MAN1A2: variants seen among roughly 807,000 people sequenced by gnomAD.
The protein encoded by MAN1A2 is mannosidase alpha class 1A member 2.
In MAN1A2, 26 loss-of-function variants were observed where a neutral mutation model predicts 75.7. The observed-to-expected ratio is 0.34, with a 90% CI of 0.25 to 0.48. MAN1A2 has a LOEUF of 0.48. MAN1A2 is among the 20% of genes least tolerant of loss of function. The pLI is 0.99. For synonymous variants in MAN1A2, 247 were observed against 264.6 expected (o/e 0.93, Z 0.65); for missense variants, 562 against 775.5 (o/e 0.72, Z 3.27).
chr1:117,464,606 A>G (rs1649928046), intron 7 of MAN1A2, among the ~76,000 whole-genome samples: 1 of 152,156 alleles, frequency 6.6e-6, no homozygotes, highest in African/African-American at 2.4e-5. Context: ...AGCAGCAATG[A>G]GAACAGGATC....
In MAN1A2 at chr1:117,405,438, T is replaced by C. The variant is rs576948938; in HGVS notation, c.559-111T>C. The C allele has an allele frequency of 3.4e-4, 237 of 704,900 alleles. No individual in the cohort carries two copies. The African/African-American group carries it at 3.9e-3, about 12-fold the overall frequency. The allele number at this position is 704,900 out of a possible 1,614,324, so 43.7% of individuals were successfully genotyped here. A position where few individuals can be genotyped will look rare whatever the true frequency, so the allele number is the denominator to read the frequency against. ...ATGCTAATTGAATAATGTACTAATA[T>C]AGATCTGGAAGAATGGGCAAGGATA... On this transcript the variant is annotated intron_variant, in intron 2 of 12. Coordinates refer to ENST00000356554, the MANE Select transcript of MAN1A2 (RefSeq NM_006699.5).
At chr1:117,462,085 A>T (rs937366676) in intron 7 of MAN1A2, among the ~76,000 whole-genome samples, 1 of 152,166 alleles carries the variant, frequency 6.6e-6, no homozygotes, top group Non-Finnish European at 1.5e-5. Flanking sequence ...GGATTATAAT[A>T]GTTAATTCCA....
chr1:117,491,681 C>T (rs922967801), intron 8 of MAN1A2, among the ~76,000 whole-genome samples: 2 of 152,066 alleles, frequency 1.3e-5, no homozygotes, highest in African/African-American at 4.8e-5. Flanking sequence ...ATTCCTCTGT[C>T]AGATCTCAGC....
At chr1:117,466,272 T>A in intron 7 of MAN1A2, 62 bp from the exon 8 acceptor site, 1 of 1,126,802 alleles carries the variant, frequency 8.9e-7, no homozygotes, top group Non-Finnish European at 1.3e-6. Flanking sequence ...AAGCCTACAT[T>A]AAAACCAAGC....
intron 9 of MAN1A2, among the ~76,000 whole-genome samples, chr1:117,495,266 TAATA>T (rs1471107576): frequency 1.3e-5 from 2 of 151,874 alleles, no homozygotes; most frequent in African/African-American, 2.4e-5. Flanking sequence ...AATAGGTACC[TAATA>T]AATGTTTTTT....
chr1:117,368,424 G>A lies in MAN1A2; in HGVS notation c.241G>A (p.Gly81Ser), dbSNP rs763875993. 9.9e-6 allele frequency: 16 copies of A among 1,613,934 alleles called. No individual in the cohort carries two copies. Among genetic ancestry groups the A allele is most frequent in the Non-Finnish European group, 1.3e-5 (15 of 1,179,968 alleles). The change falls in exon 1 of 13, where the codon GGT (glycine) becomes AGT (serine). Residue 81 changes from glycine to serine, a missense_variant. By Grantham distance (56) the Gly-to-Ser change is moderately conservative. This residue lies in a region of MAN1A2 where 128 missense variants were observed against 129.8 expected (regional missense o/e 0.99). Coordinates refer to ENST00000356554, the MANE Select transcript of MAN1A2 (RefSeq NM_006699.5). ...TGTGTTAATTCCACATGTAGATGCC[G>A]GTAAAGGGGCTAAAAACCCCGGAGT... ...EDVLIPHVDAGKGAKNPGVFL... is the reference protein window; with the variant it reads ...EDVLIPHVDASKGAKNPGVFL...
In MAN1A2 at chr1:117,479,328, T is replaced by G. The variant is rs932258836; in HGVS notation, c.1168+12901T>G. 2.8e-4 allele frequency among the ~76,000 whole-genome samples: 43 copies of G among 152,048 alleles called. 1 individual carries two copies. Among genetic ancestry groups the G allele is most frequent in the Non-Finnish European group, 4.4e-5 (3 of 67,986 alleles). On this transcript the variant is annotated intron_variant, in intron 8 of 12. Coordinates refer to ENST00000356554, the MANE Select transcript of MAN1A2 (RefSeq NM_006699.5). ...TCCATGATGTGTATGTACCACATTTTCTTTATGCAGTGTATTATTAATGGG... is the reference window on the plus strand; with the variant it reads ...TCCATGATGTGTATGTACCACATTTGCTTTATGCAGTGTATTATTAATGGG...
At chr1:117,417,874 G>T (rs1236597445) in intron 4 of MAN1A2, among the ~76,000 whole-genome samples, 1 of 151,716 alleles carries the variant, frequency 6.6e-6, no homozygotes, top group African/African-American at 2.4e-5. Flanking sequence ...CAGGAGGATC[G>T]CTTGAGCCCA....
intron 12 of MAN1A2, among the ~76,000 whole-genome samples, chr1:117,506,298 C>T (rs1050048202): frequency 1.2e-4 from 18 of 151,486 alleles, no homozygotes; most frequent in African/African-American, 3.4e-4. Flanking sequence ...CTGATTGTCA[C>T]GGCAGTGGCA....
intron 5 of MAN1A2, among the ~76,000 whole-genome samples, chr1:117,430,239 C>G (rs1236759730): frequency 4.0e-5 from 5 of 124,808 alleles, no homozygotes; most frequent in East Asian, 2.3e-4. Context: ...CCGGACGGCA[C>G]GGCTGGCCAG....
chr1:117,436,055 T>C (rs980179865), intron 5 of MAN1A2, among the ~76,000 whole-genome samples: 1 of 151,748 alleles, frequency 6.6e-6, no homozygotes, highest in Admixed American at 6.6e-5. Flanking sequence ...GAGACTCCGT[T>C]TCAAAAAAAA....
chr1:117,369,423 GA>G, intron 1 of MAN1A2, among the ~76,000 whole-genome samples: 1 of 151,814 alleles, frequency 6.6e-6, no homozygotes, highest in South Asian at 2.1e-4. Flanking sequence ...GAGTATGTGG[GA>G]AAAAAAATCA....
At chr1:117,478,524 C>G (rs1432189263) in intron 8 of MAN1A2, among the ~76,000 whole-genome samples, 1 of 151,934 alleles carries the variant, frequency 6.6e-6, no homozygotes, top group Non-Finnish European at 1.5e-5. Context: ...AAGATTTCTT[C>G]CTATGTTTTC....
intron 3 of MAN1A2, among the ~76,000 whole-genome samples, chr1:117,412,777 C>T (rs1004234784): frequency 6.6e-6 from 1 of 151,752 alleles, no homozygotes; most frequent in Non-Finnish European, 1.5e-5. Context: ...ATGATGATAG[C>T]CAGTAATTTC....
rs1224632721 is a variant in MAN1A2, at chr1:117,523,822, T to A, written c.*865T>A. The A allele has an allele frequency of 6.6e-6, 1 of 151,828 alleles. No individual in the cohort carries two copies. The highest frequency in any genetic ancestry group is 2.4e-5 in the African/African-American group (1 of 41,388). The allele number at this position is 151,828 out of a possible 1,614,324, so 9.4% of individuals were successfully genotyped here. ...AGCAATCCTTGGTTTTGTTGCTACATTATTTTTCCAGACCAACACATCTAC... is the reference window on the plus strand; with the variant it reads ...AGCAATCCTTGGTTTTGTTGCTACAATATTTTTCCAGACCAACACATCTAC... On this transcript the variant is annotated 3_prime_UTR_variant, in exon 13 of 13. Coordinates refer to ENST00000356554, the MANE Select transcript of MAN1A2 (RefSeq NM_006699.5).
intron 3 of MAN1A2, among the ~76,000 whole-genome samples, chr1:117,412,789 A>G (rs141155191): frequency 0.015 from 2,350 of 151,906 alleles, 36 homozygotes; most frequent in Non-Finnish European, 0.022. Context: ...AGTAATTTCA[A>G]TTTTACACTT....
At chr1:117,521,841 T>C (rs913394453) in intron 12 of MAN1A2, among the ~76,000 whole-genome samples, 1 of 151,968 alleles carries the variant, frequency 6.6e-6, no homozygotes, top group African/African-American at 2.4e-5. Flanking sequence ...GATGGACTAC[T>C]ACTCAGCTAT....
chr1:117,500,724 C>T (rs572561034), intron 11 of MAN1A2, among the ~76,000 whole-genome samples: 157 of 151,868 alleles, frequency 1.0e-3, no homozygotes, highest in African/African-American at 3.8e-3. Flanking sequence ...TTTCCTTGGC[C>T]CCTTGGCTCC....
At chr1:117,393,000 G>A (rs1207299418) in intron 1 of MAN1A2, among the ~76,000 whole-genome samples, 1 of 152,180 alleles carries the variant, frequency 6.6e-6, no homozygotes, top group Non-Finnish European at 1.5e-5. Flanking sequence ...TCATTAACGT[G>A]TTATTTTAGG....
Sources: gnomAD v4.1 joint callset for allele counts (sites outside exome capture counted in the v4.1 genomes callset) on GRCh38, gnomAD v4.1.1 for gene constraint, gnomAD v4.1.1 regional missense constraint, MANE v1.5 for transcripts, NCBI Gene and HGNC (gene_info 2026-07-23, HGNC 2026-07-21) for gene names.